The following SBF2 variants were observed in gnomAD, a reference collection of about 807,000 sequenced individuals.
SBF2 encodes SET binding factor 2, also known as myotubularin-related protein 13.
Under a neutral mutation model 225.2 loss-of-function variants are expected in SBF2, and 112 were observed. The ratio of observed to expected loss-of-function variants is 0.50; its 90% CI spans 0.43 to 0.58. The LOEUF (loss-of-function observed/expected upper bound fraction) is 0.58, where lower values mean the gene tolerates loss of function less well. Ranked by LOEUF, SBF2 falls within the 20% of genes least tolerant of loss-of-function variation. The probability of loss-of-function intolerance (pLI) is 0.00; values close to 1 mark genes in which losing one functional copy is unlikely to be tolerated. For missense variants in SBF2, 1,996 were observed against 2,206.2 expected, an observed-to-expected ratio of 0.90 and a Z score of 1.91; for synonymous variants, 763 against 773.3, an observed-to-expected ratio of 0.99 and a Z score of 0.22.
In SBF2 at chr11:10,028,112, C is replaced by CT. The variant is rs535805196; in HGVS notation, c.619+339dup. On this transcript the variant is annotated intron_variant, in intron 6 of 39. Coordinates refer to ENST00000256190, the MANE Select transcript of SBF2 (RefSeq NM_030962.4). The stretch of plus-strand genomic sequence containing the variant: ...TTTTTTCTGTAGATATGGGGTCTCA[C>CT]TATGTTGTCCAGGTTGATCTCAAAT... 4.6e-3 allele frequency among the ~76,000 whole-genome samples: 701 copies of CT among 152,170 alleles called. 5 individuals carry two copies. Among genetic ancestry groups the CT allele is most frequent in the Middle Eastern group, 0.027 (8 of 294 alleles).
intron 2 of SBF2, among the ~76,000 whole-genome samples, chr11:10,137,865 GGT>G (rs1954456899): frequency 6.6e-6 from 1 of 151,982 alleles, no homozygotes; most frequent in Admixed American, 6.6e-5. Context: ...AAATTAGCTG[GGT>G]GTGGTTGGCG....
At chr11:10,209,573 T>TA (rs1044857553) in intron 1 of SBF2, among the ~76,000 whole-genome samples, 1 of 152,078 alleles carries the variant, frequency 6.6e-6, no homozygotes, top group African/African-American at 2.4e-5. Context: ...TTGTAACAGA[T>TA]AGAGTATTTC....
chr11:10,132,448 T>G (rs1466485752), intron 2 of SBF2, among the ~76,000 whole-genome samples: 1 of 150,434 alleles, frequency 6.6e-6, no homozygotes, highest in African/African-American at 2.4e-5. Flanking sequence ...TCAGATGTGT[T>G]TGGAGTTTCT....
intron 38 of SBF2, among the ~76,000 whole-genome samples, chr11:9,784,032 C>A (rs1309983449): frequency 1.3e-5 from 2 of 152,148 alleles, no homozygotes; most frequent in Non-Finnish European, 2.9e-5. Flanking sequence ...CAGGAATCCC[C>A]TCACCTGGGT....
chr11:9,923,100 G>A (rs978567491), intron 16 of SBF2, among the ~76,000 whole-genome samples: 5 of 151,982 alleles, frequency 3.3e-5, no homozygotes, highest in East Asian at 3.8e-4. Flanking sequence ...TTCCTCCCTC[G>A]CATGCCATTC....
At chr11:10,299,783 T>C (rs1157076129) in intron 1 of SBF2, among the ~76,000 whole-genome samples, 1 of 152,206 alleles carries the variant, frequency 6.6e-6, no homozygotes, top group Non-Finnish European at 1.5e-5. Context: ...ACCACCACCG[T>C]GCTGCTTCCT....
chr11:9,864,976 T>C (rs1858071046), intron 17 of SBF2, among the ~76,000 whole-genome samples: 1 of 151,870 alleles, frequency 6.6e-6, no homozygotes, highest in South Asian at 2.1e-4. Flanking sequence ...GTTGGCACAA[T>C]CTTGGTTCAC....
intron 1 of SBF2, among the ~76,000 whole-genome samples, chr11:10,267,956 AT>A (rs1371956845): frequency 3.3e-5 from 5 of 152,106 alleles, no homozygotes; most frequent in Non-Finnish European, 5.9e-5. Flanking sequence ...CTCCAATCTC[AT>A]GTGGATTTGG....
chr11:9,940,457 T>C (rs1026133515), intron 16 of SBF2, among the ~76,000 whole-genome samples: 18 of 152,308 alleles, frequency 1.2e-4, no homozygotes, highest in African/African-American at 4.3e-4. Flanking sequence ...GAAATGGTGG[T>C]GGTGCAGCCA....
At chr11:10,076,271 A>C (rs1017743351) in intron 2 of SBF2, among the ~76,000 whole-genome samples, 29 of 152,322 alleles carry the variant, frequency 1.9e-4, no homozygotes, top group Middle Eastern at 3.4e-3. Flanking sequence ...TGGCAGTAGA[A>C]AGTGCTCCAT....
chr11:9,974,874 C>G (rs563944688), intron 13 of SBF2, among the ~76,000 whole-genome samples: 59 of 144,034 alleles, frequency 4.1e-4, no homozygotes, highest in Admixed American at 1.4e-3. Flanking sequence ...GCAGGAGAAT[C>G]GCTTGAACCC....
At chr11:10,270,798 T>C (rs916024321) in intron 1 of SBF2, among the ~76,000 whole-genome samples, 1 of 151,808 alleles carries the variant, frequency 6.6e-6, no homozygotes, top group Admixed American at 6.6e-5. Context: ...TTGAGACCAT[T>C]GTGGCTAACA....
At chr11:9,995,751 A>G (rs1947666577) in intron 9 of SBF2, among the ~76,000 whole-genome samples, 1 of 150,794 alleles carries the variant, frequency 6.6e-6, no homozygotes, top group Admixed American at 6.6e-5. Flanking sequence ...CCTGGGTTCA[A>G]GTGAGCCTCC....
At chr11:10,238,672 G>A (rs11042684) in intron 1 of SBF2, among the ~76,000 whole-genome samples, 3,389 of 150,824 alleles carry the variant, frequency 0.022, 189 homozygotes, top group African/African-American at 0.067. Flanking sequence ...CAGCACTTTG[G>A]GAGGCTGAGG....
intron 17 of SBF2, among the ~76,000 whole-genome samples, chr11:9,870,195 A>C (rs1472852955): frequency 6.6e-6 from 1 of 152,212 alleles, no homozygotes; most frequent in Non-Finnish European, 1.5e-5. Flanking sequence ...CAGGTCAAAA[A>C]AATCAGAGAG....
At chr11:9,857,462 G>A (rs1857409122) in intron 18 of SBF2, among the ~76,000 whole-genome samples, 1 of 152,224 alleles carries the variant, frequency 6.6e-6, no homozygotes, top group South Asian at 2.1e-4. Context: ...TTCTGGAGTA[G>A]AATGATAATC....
chr11:9,965,731 C>A (rs1052765616), intron 14 of SBF2, among the ~76,000 whole-genome samples: 1 of 152,214 alleles, frequency 6.6e-6, no homozygotes, highest in Admixed American at 6.5e-5. Flanking sequence ...AAACAACTGG[C>A]ATAATACAAT....
intron 1 of SBF2, among the ~76,000 whole-genome samples, chr11:10,270,365 T>C (rs1479683712): frequency 6.6e-6 from 1 of 152,172 alleles, no homozygotes; most frequent in African/African-American, 2.4e-5. Context: ...ATATAATGTA[T>C]TCTACAATAA....
At chr11:10,232,946 G>C (rs1409745898) in intron 1 of SBF2, among the ~76,000 whole-genome samples, 3 of 152,090 alleles carry the variant, frequency 2.0e-5, no homozygotes, top group Admixed American at 1.3e-4. Context: ...AATTTGTGCT[G>C]TTTCATTCAG....
Sources: allele counts gnomAD v4.1 joint callset (sites outside exome capture counted in the v4.1 genomes callset), GRCh38; gene constraint gnomAD v4.1.1; transcripts MANE v1.5; gene names NCBI Gene and HGNC (gene_info 2026-07-23, HGNC 2026-07-21).